CACNA2D1: variants seen among roughly 807,000 people sequenced by gnomAD.
CACNA2D1 encodes the protein voltage-dependent calcium channel subunit alpha-2/delta-1.
In CACNA2D1, 53 loss-of-function variants were observed where a neutral mutation model predicts 171.5. That is an observed-to-expected ratio of 0.31 (90% CI 0.25 to 0.39). The LOEUF (loss-of-function observed/expected upper bound fraction) is 0.39, where lower values mean the gene tolerates loss of function less well. Among genes scored for constraint, CACNA2D1 ranks in the 10% least tolerant of loss-of-function variants. The pLI is 1.00. For synonymous variants in CACNA2D1, 442 were observed against 443.1 expected, an observed-to-expected ratio of 1.00 and a Z score of 0.03; for missense variants, 903 against 1,299.8, an observed-to-expected ratio of 0.69 and a Z score of 4.69.
chr7:82,092,561 T>G (rs1811315891), intron 6 of CACNA2D1, among the ~76,000 whole-genome samples: 1 of 138,196 alleles, frequency 7.2e-6, no homozygotes, highest in Non-Finnish European at 1.6e-5. Context: ...TTTTTTTTTT[T>G]TTTTGTATTT....
intron 10 of CACNA2D1, among the ~76,000 whole-genome samples, chr7:82,052,279 G>C (rs1391822006): frequency 6.6e-6 from 1 of 152,116 alleles, no homozygotes; most frequent in African/African-American, 2.4e-5. Flanking sequence ...ATGGATTCCT[G>C]AAGTTACAAA....
intron 6 of CACNA2D1, among the ~76,000 whole-genome samples, chr7:82,085,735 C>T (rs777426878): frequency 4.0e-5 from 6 of 151,058 alleles, no homozygotes; most frequent in Non-Finnish European, 8.8e-5. Flanking sequence ...AGCATGGTGC[C>T]GATAAGGGCC....
intron 2 of CACNA2D1, among the ~76,000 whole-genome samples, chr7:82,347,919 A>G (rs1465999477): frequency 6.6e-6 from 1 of 152,156 alleles, no homozygotes; most frequent in Non-Finnish European, 1.5e-5. Context: ...ACCAGGTGAA[A>G]ATTCTTTTTG....
At chr7:82,002,032 A>AAAAC (rs1554346953) in intron 18 of CACNA2D1, among the ~76,000 whole-genome samples, 1 of 150,182 alleles carries the variant, frequency 6.7e-6, no homozygotes, top group African/African-American at 2.4e-5. Flanking sequence ...AAAAAAAAAA[A>AAAAC]AAAAAAAAAA....
chr7:82,280,897 G>A (rs572222899), intron 3 of CACNA2D1, among the ~76,000 whole-genome samples: 28 of 152,224 alleles, frequency 1.8e-4, no homozygotes, highest in African/African-American at 6.5e-4. Flanking sequence ...GAAGAACCAA[G>A]ACACAAATTT....
intron 3 of CACNA2D1, among the ~76,000 whole-genome samples, chr7:82,192,351 C>T (rs906134332): frequency 6.6e-6 from 1 of 151,088 alleles, no homozygotes; most frequent in Admixed American, 6.6e-5. Flanking sequence ...TGCTTAGAAA[C>T]TCATTCAGAA....
chr7:81,963,965 G>T, intron 34 of CACNA2D1, 91 bp downstream of exon 34: 1 of 1,013,042 alleles, frequency 9.9e-7, no homozygotes, highest in Non-Finnish European at 1.5e-6. Flanking sequence ...ATAAAAATTT[G>T]AATATCCCCT....
intron 3 of CACNA2D1, among the ~76,000 whole-genome samples, chr7:82,245,798 G>T (rs1563252663): frequency 6.6e-6 from 1 of 151,900 alleles, no homozygotes; most frequent in African/African-American, 2.4e-5. Context: ...TGTATGTTAT[G>T]GTTTCTTATA....
rs1810248544 is a variant in CACNA2D1, at chr7:82,084,762, C to T, written c.658+7G>A. 1.2e-6 allele frequency: 2 copies of T among 1,613,946 alleles called. No individual in the cohort carries two copies. Among genetic ancestry groups the T allele is most frequent in the Non-Finnish European group, 1.7e-6 (2 of 1,179,852 alleles). The stretch of plus-strand genomic sequence containing the variant: ...ACTTGACAATGATTGAATCACTAAG[C>T]ACCTACCTGGATAATATCGAGCTAG... On this transcript the variant is annotated splice_region_variant and intron_variant, in intron 7 of 38. Coordinates refer to ENST00000356860, the MANE Select transcript of CACNA2D1 (RefSeq NM_000722.4).
chr7:82,124,052 T>C (rs540542166), intron 5 of CACNA2D1, among the ~76,000 whole-genome samples: 1 of 152,162 alleles, frequency 6.6e-6, no homozygotes, highest in African/African-American at 2.4e-5. Context: ...AAAGCAATTA[T>C]GGATACAAAG....
At chr7:82,031,152 A>T (rs79977092) in intron 12 of CACNA2D1, among the ~76,000 whole-genome samples, 4,213 of 151,632 alleles carry the variant, frequency 0.028, 98 homozygotes, top group Middle Eastern at 0.11. Context: ...AGAGGAACAG[A>T]GGAGAGATGC....
chr7:82,171,487 G>C (rs143146507), intron 3 of CACNA2D1, among the ~76,000 whole-genome samples: 1 of 152,040 alleles, frequency 6.6e-6, no homozygotes. Flanking sequence ...CAAACTACTA[G>C]CTGTGCAACC....
At chr7:82,121,105 C>T (rs181887160) in intron 5 of CACNA2D1, among the ~76,000 whole-genome samples, 128 of 152,200 alleles carry the variant, frequency 8.4e-4, no homozygotes, top group African/African-American at 2.7e-3. Context: ...CTTCCCCAGC[C>T]TGGAGTACAG....
chr7:82,410,612 C>T, intron 1 of CACNA2D1: 1 of 656,032 alleles, frequency 1.5e-6, no homozygotes, highest in Non-Finnish European at 1.9e-6. Flanking sequence ...GGGAGGCAGA[C>T]TGCAAGAGAG....
intron 1 of CACNA2D1, among the ~76,000 whole-genome samples, chr7:82,358,356 AAGGGAGTGCTTGTTAT>A (rs1298981484): frequency 6.6e-6 from 1 of 152,198 alleles, no homozygotes; most frequent in African/African-American, 2.4e-5. Context: ...TTTTGGTATA[AAGGGAGTGCTTGTTAT>A]CTACATTAAA....
At chr7:81,982,078 C>G (rs1359995779) in intron 24 of CACNA2D1, among the ~76,000 whole-genome samples, 1 of 152,102 alleles carries the variant, frequency 6.6e-6, no homozygotes, top group Non-Finnish European at 1.5e-5. Context: ...AGAGCAAAGC[C>G]TATGTCCATC....
chr7:82,044,505 G>C lies in CACNA2D1; in HGVS notation c.880-6270C>G, dbSNP rs1381288799. Among the ~76,000 whole-genome samples, 5 of 152,046 alleles carry C rather than the reference G, an allele frequency of 3.3e-5. No individual in the cohort carries two copies. The East Asian group carries it at 9.6e-4, about 29-fold the overall frequency. ...TCCAGACCTGACTGCTTTGGAAAAG[G>C]ATTTTTTAAATTAAAATAATATTAG... On this transcript the variant is annotated intron_variant, in intron 10 of 38. Transcript: ENST00000356860.
At chr7:82,420,958 T>C (rs1828665357) in intron 1 of CACNA2D1, among the ~76,000 whole-genome samples, 1 of 152,202 alleles carries the variant, frequency 6.6e-6, no homozygotes. Context: ...TTTATTCTTC[T>C]TATCCTAATG....
chr7:82,258,119 T>C (rs139982620), intron 3 of CACNA2D1, among the ~76,000 whole-genome samples: 1 of 152,184 alleles, frequency 6.6e-6, no homozygotes, highest in African/African-American at 2.4e-5. Context: ...TGGATACAGA[T>C]AAAATTTGAA....
Sources: allele counts gnomAD v4.1 joint callset (sites outside exome capture counted in the v4.1 genomes callset), GRCh38; gene constraint gnomAD v4.1.1; transcripts MANE v1.5; gene names NCBI Gene and HGNC (gene_info 2026-07-23, HGNC 2026-07-21).